VPS8: variants seen among roughly 807,000 people sequenced by gnomAD.
VPS8 encodes the protein VPS8 subunit of CORVET complex.
In VPS8, 129 loss-of-function variants were observed where a neutral mutation model predicts 216.4. The ratio of observed to expected loss-of-function variants is 0.60; its 90% confidence interval spans 0.52 to 0.69. The LOEUF is 0.69. Ranked by LOEUF, VPS8 falls within the 30% of genes least tolerant of loss-of-function variation. The probability of loss-of-function intolerance (pLI) is 0.00; values close to 1 mark genes in which losing one functional copy is unlikely to be tolerated. For synonymous variants in VPS8, 571 were observed against 565.4 expected (o/e 1.01, Z -0.14); for missense variants, 1,531 against 1,683.5 (o/e 0.91, Z 1.59).
chr3:185,004,169 C>T (rs1232110827), intron 45 of VPS8, among the ~76,000 whole-genome samples: 4 of 149,746 alleles, frequency 2.7e-5, no homozygotes, highest in African/African-American at 9.9e-5. Context: ...GACCACGCCA[C>T]TGCACTCCAG....
chr3:184,848,964 C>A, intron 8 of VPS8, 107 bp from the exon 9 acceptor site: 1 of 1,209,830 alleles, frequency 8.3e-7, no homozygotes, highest in Non-Finnish European at 1.2e-6. Context: ...TCATTATCTG[C>A]TGCTTTTGAT....
At position 184,877,705 on chromosome 3, in the gene VPS8, C is replaced by T. The variant is rs546232557; in HGVS notation, c.1734+6900C>T. Among the ~76,000 whole-genome samples the T allele has an allele frequency of 5.9e-5, 9 of 152,242 alleles. No homozygotes were observed. The East Asian group carries it at 9.6e-4, about 16-fold the overall frequency. ...CCCAGGCTGCCTGGCTCAGGAGCCT[C>T]GACCCTGTACTGTACTATGTTTCAT... is the stretch of plus-strand genomic sequence containing the variant. On this transcript the variant is annotated intron_variant, in intron 21 of 47. Transcript: ENST00000625842.
At chr3:184,839,639 G>T in intron 6 of VPS8, 59 bp from the exon 7 acceptor site, 1 of 1,513,032 alleles carries the variant, frequency 6.6e-7, no homozygotes, top group South Asian at 1.2e-5. Context: ...ATTCAACTCT[G>T]ATTATTTCAA....
intron 21 of VPS8, among the ~76,000 whole-genome samples, chr3:184,884,973 C>T (rs1012339505): frequency 3.9e-5 from 6 of 152,186 alleles, no homozygotes; most frequent in African/African-American, 1.4e-4. Flanking sequence ...TATTCTCAGT[C>T]AGGGTTGAGA....
chr3:184,958,019 A>G (rs1007129470), intron 37 of VPS8, among the ~76,000 whole-genome samples: 2 of 152,066 alleles, frequency 1.3e-5, no homozygotes, highest in Non-Finnish European at 2.9e-5. Context: ...CTGCATTTTC[A>G]TTGTCTTTAA....
intron 22 of VPS8, among the ~76,000 whole-genome samples, chr3:184,887,079 A>G (rs7633463): frequency 0.013 from 2,036 of 152,286 alleles, 42 homozygotes; most frequent in African/African-American, 0.046. Flanking sequence ...GTGCTGGCTT[A>G]CCCCTGTGAT....
intron 45 of VPS8, among the ~76,000 whole-genome samples, chr3:185,006,565 A>G (rs757603909): frequency 6.6e-6 from 1 of 152,244 alleles, no homozygotes; most frequent in Non-Finnish European, 1.5e-5. Context: ...ATTTCCAGTT[A>G]TAATAAAATT....
At chr3:184,970,340 A>T (rs1479230136) in intron 39 of VPS8, among the ~76,000 whole-genome samples, 2 of 152,224 alleles carry the variant, frequency 1.3e-5, no homozygotes, top group African/African-American at 2.4e-5. Flanking sequence ...TGCACAAAGA[A>T]CGTTAGTCTC....
intron 14 of VPS8, among the ~76,000 whole-genome samples, chr3:184,857,724 T>C (rs1225354527): frequency 6.6e-6 from 1 of 152,218 alleles, no homozygotes; most frequent in Non-Finnish European, 1.5e-5. Context: ...TCTAGGCCAA[T>C]CATTATTAAT....
intron 22 of VPS8, chr3:184,893,121 A>C: frequency 2.6e-6 from 1 of 380,772 alleles, no homozygotes; most frequent in Non-Finnish European, 3.7e-6. Context: ...ATTTGAGAAA[A>C]AAATAAATGG....
At chr3:184,917,514 C>T (rs1477845548) in intron 28 of VPS8, among the ~76,000 whole-genome samples, 1 of 152,176 alleles carries the variant, frequency 6.6e-6, no homozygotes, top group Non-Finnish European at 1.5e-5. Context: ...ACTGCAACCT[C>T]CACCTCCTGG....
intron 3 of VPS8, among the ~76,000 whole-genome samples, chr3:184,830,590 A>G (rs1246158924): frequency 1.3e-5 from 2 of 151,884 alleles, no homozygotes; most frequent in Admixed American, 1.3e-4. Flanking sequence ...TGACATCTTC[A>G]CTTCTTTTTT....
At chr3:184,965,061 CAG>C (rs1330727905) in intron 38 of VPS8, among the ~76,000 whole-genome samples, 1 of 152,204 alleles carries the variant, frequency 6.6e-6, no homozygotes, top group African/African-American at 2.4e-5. Flanking sequence ...CAGCAACACT[CAG>C]GGGTTCCAGT....
At chr3:185,020,074 C>A (rs1246922560) in intron 45 of VPS8, among the ~76,000 whole-genome samples, 2 of 152,190 alleles carry the variant, frequency 1.3e-5, no homozygotes, top group Middle Eastern at 3.2e-3. Flanking sequence ...CAGGGACTTA[C>A]AAGAATCTGT....
At chr3:185,020,514 A>G (rs1277897495) in intron 45 of VPS8, among the ~76,000 whole-genome samples, 1 of 146,560 alleles carries the variant, frequency 6.8e-6, no homozygotes, top group Non-Finnish European at 1.5e-5. Context: ...TCTGTTGCCT[A>G]GACTGGAGTA....
chr3:185,013,095 T>A lies in VPS8; in HGVS notation c.4003-11241T>A, dbSNP rs186922903. On this transcript the variant is annotated intron_variant, in intron 45 of 47. Transcript: ENST00000625842. ...GACACAGATCACTCATGCTATTGTT[T>A]GGGGTTTAAGAACACCTTAAGCGTT... Among the ~76,000 whole-genome samples, 17 of 152,372 alleles carry A rather than the reference T, an allele frequency of 1.1e-4. No individual in the cohort carries two copies. In the East Asian group the frequency reaches 3.1e-3, roughly 28 times the overall value.
At chr3:184,892,680 G>A (rs970609403) in intron 22 of VPS8, among the ~76,000 whole-genome samples, 1 of 152,126 alleles carries the variant, frequency 6.6e-6, no homozygotes, top group Non-Finnish European at 1.5e-5. Context: ...TTATATTATA[G>A]CTTCTGATTG....
chr3:184,888,089 G>A (rs1210931428), intron 22 of VPS8, among the ~76,000 whole-genome samples: 1 of 151,398 alleles, frequency 6.6e-6, no homozygotes, highest in Non-Finnish European at 1.5e-5. Flanking sequence ...CTGGGTTCAC[G>A]CCATTCTCCT....
At chr3:184,955,979 A>AAG (rs63129260) in intron 36 of VPS8, among the ~76,000 whole-genome samples, 3 of 151,366 alleles carry the variant, frequency 2.0e-5, no homozygotes, top group Non-Finnish European at 4.4e-5. Context: ...AAAAAAAAAA[A>AAG]GAACACTCTT....
Sources: gnomAD v4.1 joint callset for allele counts (sites outside exome capture counted in the v4.1 genomes callset) on GRCh38, gnomAD v4.1.1 for gene constraint, MANE v1.5 for transcripts, NCBI Gene and HGNC (gene_info 2026-07-23, HGNC 2026-07-21) for gene names.